XDH: variants seen among roughly 807,000 people sequenced by gnomAD.
XDH encodes the protein xanthine dehydrogenase.
A neutral mutation model predicts 156.1 loss-of-function variants in XDH; 138 were observed. The observed-to-expected ratio is 0.88, with a 90% CI of 0.77 to 1.02. The LOEUF (loss-of-function observed/expected upper bound fraction) is 1.02. Among genes scored for constraint, XDH ranks in the 50% least tolerant of loss-of-function variants. XDH has a pLI of 0.00. For missense variants in XDH, 1,849 were observed against 1,684.9 expected (o/e 1.10, Z -1.71); for synonymous variants, 669 against 625.7 (o/e 1.07, Z -1.03).
In XDH at chr2:31,349,705, C is replaced by T. The variant is rs1026099739; in HGVS notation, c.2950G>A (p.Glu984Lys). Reference sequence around the variant, plus strand: ...GCTTACTTGTTGAACTTGTCAACCTCACTCTTCCGAGCATGATACTGAGAG... The same window carrying T: ...GCTTACTTGTTGAACTTGTCAACCTTACTCTTCCGAGCATGATACTGAGAG... ...ASSQYHARKS[E>K]VDKFNKENCW... Residue 984 changes from glutamate (E) to lysine (K), a missense_variant, in exon 26 of 36, where the codon GAG (glutamate) becomes AAG (lysine). Physicochemically the swap from Glu to Lys is moderately conservative, Grantham distance 56 (BLOSUM62 1). Coordinates refer to ENST00000379416, the MANE Select transcript of XDH (RefSeq NM_000379.4). 5.0e-6 allele frequency: 8 copies of T among 1,614,018 alleles called. No homozygotes were observed. Among genetic ancestry groups the T allele is most frequent in the African/African-American group, 1.3e-5 (1 of 74,898 alleles).
chr2:31,347,417 C>G, intron 29 of XDH, 105 bp downstream of exon 29: 1 of 1,562,198 alleles, frequency 6.4e-7, no homozygotes, highest in Non-Finnish European at 8.7e-7. Context: ...CTGGCCAGAG[C>G]CAAAGAGCCT....
chr2:31,395,292 G>C (rs1686872690), intron 6 of XDH, among the ~76,000 whole-genome samples: 1 of 152,108 alleles, frequency 6.6e-6, no homozygotes, highest in Admixed American at 6.5e-5. Context: ...TGGTGGGACA[G>C]GATGGCTGGA....
chr2:31,356,026 G>C (rs553499526), intron 24 of XDH, among the ~76,000 whole-genome samples: 8 of 152,258 alleles, frequency 5.3e-5, no homozygotes, highest in African/African-American at 1.9e-4. Context: ...CAGAGACAGA[G>C]AGAAGGAGAT....
At position 31,349,719 on chromosome 2, in the gene XDH, T is replaced by C. The variant is rs1489664753; in HGVS notation, c.2936A>G (p.His979Arg). The C allele has an allele frequency of 5.6e-6, 9 of 1,614,094 alleles. No individual in the cohort carries two copies. The highest frequency in any genetic ancestry group is 7.6e-6 in the Non-Finnish European group (9 of 1,180,050). Residue 979 changes from histidine (H) to arginine (R), a missense_variant, in exon 26 of 36, where the codon CAT becomes CGT. Transcript: ENST00000379416. Reference protein sequence around the residue: ...WEECLASSQYHARKSEVDKFN... With the variant: ...WEECLASSQYRARKSEVDKFN... ...CTTGTCAACCTCACTCTTCCGAGCA[T>C]GATACTGAGAGCTTGCTAGGCATTC... is the stretch of plus-strand genomic sequence containing the variant.
chr2:31,350,622 C>T (rs1228517378), intron 24 of XDH, among the ~76,000 whole-genome samples: 1 of 152,102 alleles, frequency 6.6e-6, no homozygotes, highest in Non-Finnish European at 1.5e-5. Context: ...GATCCGCCCG[C>T]CTTGGCCTCC....
Position 31,368,679 on chromosome 2 carries a change from TGTTAAAGAAC to T in XDH, c.1981-29_1981-20del. 1 of 1,614,208 alleles carries T rather than the reference TGTTAAAGAAC, an allele frequency of 6.2e-7. No individual in the cohort carries two copies. The highest frequency in any genetic ancestry group is 1.1e-5 in the South Asian group (1 of 91,082). On this transcript the variant is annotated intron_variant, in intron 18 of 35. Transcript: ENST00000379416. ...AAGTAACCTAGTAGCAGAGACAGAC[TGTTAAAGAAC>T]GCAACCAGGCTCATGGTGAAACAAA...
rs570124280 is a variant in XDH, at chr2:31,343,424, TG to T, written c.3405-1128del. On this transcript the variant is annotated intron_variant, in intron 31 of 35. Transcript: ENST00000379416. ...TATATGTTCATATATGGCATAGAAA[TG>T]TTTTTTTGTGTATATATGTTTATAC... Among the ~76,000 whole-genome samples the T allele has an allele frequency of 3.0e-3, 429 of 144,152 alleles. 2 individuals are homozygous for T. Among genetic ancestry groups the T allele is most frequent in the African/African-American group, 9.3e-3 (369 of 39,486 alleles). The allele number at this position is 144,152 out of a possible 152,430, so 94.6% of individuals were successfully genotyped here.
chr2:31,340,222 G>A lies in XDH; in HGVS notation c.3586-545C>T, dbSNP rs376701774. ...ACATGGGGCACTACCATACCTCAAC[G>A]AGCATTCAGAAAAGAAACCGACTGG... is the stretch of plus-strand genomic sequence containing the variant. On this transcript the variant is annotated intron_variant, in intron 33 of 35. Coordinates refer to ENST00000379416, the MANE Select transcript of XDH (RefSeq NM_000379.4). Among the ~76,000 whole-genome samples the A allele has an allele frequency of 1.6e-4, 25 of 152,226 alleles. No homozygotes were observed. The South Asian group carries it at 5.0e-3, about 30-fold the overall frequency.
chr2:31,352,855 G>A (rs998550324), intron 24 of XDH, among the ~76,000 whole-genome samples: 6 of 151,388 alleles, frequency 4.0e-5, no homozygotes, highest in Non-Finnish European at 7.4e-5. Context: ...AGGGTAAAGG[G>A]GAATGTCGGC....
intron 4 of XDH, among the ~76,000 whole-genome samples, chr2:31,400,271 C>G (rs1353307219): frequency 1.4e-5 from 2 of 145,036 alleles, no homozygotes; most frequent in Non-Finnish European, 3.0e-5. Context: ...TGGAGTCTCA[C>G]TCTGTCGCCC....
rs918556478 is a variant in XDH, at chr2:31,388,267, T to G, written c.524A>C (p.Asn175Thr). 1.9e-6 allele frequency: 3 copies of G among 1,614,174 alleles called. No homozygotes were observed. The Admixed American group carries it at 5.0e-5, about 27-fold the overall frequency. The change falls in exon 7 of 36, where the codon AAT becomes ACT. Residue 175 changes from asparagine to threonine, a missense_variant. Asn to Thr is a moderately conservative substitution (Grantham distance 65). Transcript: ENST00000379416. ...RDGGCCGGDG[N>T]NPNCCMNQKK... is the part of the protein sequence containing the mutation. ...CTGGTTCATGCAGCAATTTGGATTA[T>G]TCCCATCTCCTCCACAGCATCCACC...
Position 31,338,754 on chromosome 2 carries a change from C to T in XDH, c.3774+735G>A, listed in dbSNP as rs867925920. On this transcript the variant is annotated intron_variant, in intron 34 of 35. Coordinates refer to ENST00000379416, the MANE Select transcript of XDH (RefSeq NM_000379.4). ...TTTTTTTTTTTTTGAGACAGAGTCT[C>T]GCTCTGTCGCCCAGGCTGGGGTGCA... is the stretch of plus-strand genomic sequence containing the variant. Among the ~76,000 whole-genome samples the T allele has an allele frequency of 3.3e-4, 37 of 110,950 alleles. No individual in the cohort carries two copies. The Middle Eastern group carries it at 0.031, about 94-fold the overall frequency. The allele number at this position is 110,950 out of a possible 152,430, so 72.8% of individuals were successfully genotyped here.
At chr2:31,396,665 A>G (rs6711552) in intron 6 of XDH, among the ~76,000 whole-genome samples, 1 of 152,218 alleles carries the variant, frequency 6.6e-6, no homozygotes, top group Non-Finnish European at 1.5e-5. Flanking sequence ...TTTTGCACCA[A>G]CCTAATAGAA....
intron 1 of XDH, among the ~76,000 whole-genome samples, chr2:31,408,464 T>A (rs1687251920): frequency 6.6e-6 from 1 of 152,158 alleles, no homozygotes; most frequent in Admixed American, 6.5e-5. Flanking sequence ...GTTAAGGAAA[T>A]GTTGGGTTAA....
chr2:31,335,583 A>G lies in XDH; in HGVS notation c.*375T>C. The stretch of plus-strand genomic sequence containing the variant: ...TAAAGTAACTTCGGTTTAAGCTTCT[A>G]GAGGTTTGTGGGAATCCTCTTCAAA... On this transcript the variant is annotated 3_prime_UTR_variant, in exon 36 of 36. Coordinates refer to ENST00000379416, the MANE Select transcript of XDH (RefSeq NM_000379.4). 1 of 347,188 alleles carries G rather than the reference A, an allele frequency of 2.9e-6. No individual in the cohort carries two copies. The highest frequency in any genetic ancestry group is 2.8e-5 in the South Asian group (1 of 35,126). 21.5% of individuals were successfully genotyped at this position (347,188 alleles called of 1,614,324 possible). A position where few individuals can be genotyped will look rare whatever the true frequency, so the allele number is the denominator to read the frequency against.
At chr2:31,340,642 G>A (rs937914268) in intron 33 of XDH, among the ~76,000 whole-genome samples, 6 of 151,928 alleles carry the variant, frequency 3.9e-5, no homozygotes, top group Non-Finnish European at 8.8e-5. Context: ...GCTAATTTTT[G>A]TATTTTTAAT....
At chr2:31,341,205 G>T in intron 33 of XDH, 124 bp downstream of exon 33, 1 of 1,007,764 alleles carries the variant, frequency 9.9e-7, no homozygotes, top group Non-Finnish European at 1.5e-6. Flanking sequence ...AAACTCCCTA[G>T]GTTCCATGTT....
chr2:31,406,461 T>C (rs1045697599), intron 1 of XDH, among the ~76,000 whole-genome samples: 1 of 152,222 alleles, frequency 6.6e-6, no homozygotes, highest in African/African-American at 2.4e-5. Flanking sequence ...TAGCAATGCA[T>C]GAATGGCCTA....
rs139321771 is a variant in XDH at position 31,411,013 on chromosome 2, G to A, written c.42+3612C>T. Among the ~76,000 whole-genome samples the A allele has an allele frequency of 7.8e-3, 1,182 of 152,240 alleles. 13 individuals are homozygous for A. The highest frequency in any genetic ancestry group is 0.041 in the South Asian group (197 of 4,828). On this transcript the variant is annotated intron_variant, in intron 1 of 35. Transcript: ENST00000379416. The stretch of plus-strand genomic sequence containing the variant: ...GAATATATTTATTCTGGCCAGGCGC[G>A]GTGGCTCACGCCTGTAATACCAGCA...
Sources: allele counts gnomAD v4.1 joint callset (sites outside exome capture counted in the v4.1 genomes callset), GRCh38; gene constraint gnomAD v4.1.1; transcripts MANE v1.5; gene names NCBI Gene and HGNC (gene_info 2026-07-23, HGNC 2026-07-21).